The following RAPGEF2 variants were observed in gnomAD, a reference collection of about 807,000 sequenced individuals.
The protein encoded by RAPGEF2 is Rap guanine nucleotide exchange factor 2.
Under a neutral mutation model 186.7 loss-of-function variants are expected in RAPGEF2, and 54 were observed. That is an observed-to-expected ratio of 0.29 (90% CI 0.23 to 0.36). RAPGEF2 has a LOEUF of 0.36. RAPGEF2 is among the 10% of genes least tolerant of loss of function. The pLI is 1.00. For synonymous variants in RAPGEF2, 712 were observed against 705.9 expected, an observed-to-expected ratio of 1.01 and a Z score of -0.14; for missense variants, 1,532 against 2,045.0, an observed-to-expected ratio of 0.75 and a Z score of 4.84.
At chr4:159,358,001 A>G (rs1580091429) in intron 29 of RAPGEF2, 113 bp from the exon 30 acceptor site, 1 of 1,103,132 alleles carries the variant, frequency 9.1e-7, no homozygotes, top group East Asian at 2.6e-5. Flanking sequence ...GAGCTATACT[A>G]AAAAGAATAA....
intron 1 of RAPGEF2, among the ~76,000 whole-genome samples, chr4:159,119,172 G>A (rs60303636): frequency 0.019 from 2,894 of 152,242 alleles, 100 homozygotes; most frequent in African/African-American, 0.065. Flanking sequence ...TCTAAAGGTA[G>A]ACAGTGCAGG....
chr4:159,137,720 A>C (rs1741872044), intron 1 of RAPGEF2, among the ~76,000 whole-genome samples: 1 of 151,736 alleles, frequency 6.6e-6, no homozygotes, highest in Non-Finnish European at 1.5e-5. Flanking sequence ...AAAAAAAAAA[A>C]AAAAAACCTG....
chr4:159,125,566 G>T (rs992952778), intron 1 of RAPGEF2, among the ~76,000 whole-genome samples: 1 of 152,012 alleles, frequency 6.6e-6, no homozygotes, highest in African/African-American at 2.4e-5. Context: ...AGACCATCCT[G>T]GCTAACACGG....
intron 4 of RAPGEF2, among the ~76,000 whole-genome samples, chr4:159,226,253 A>G (rs1006912130): frequency 6.6e-6 from 1 of 152,172 alleles, no homozygotes; most frequent in African/African-American, 2.4e-5. Flanking sequence ...CAATCCATCA[A>G]ATTGCCTTGG....
intron 7 of RAPGEF2, among the ~76,000 whole-genome samples, chr4:159,277,994 G>A (rs1286711857): frequency 6.6e-6 from 1 of 152,140 alleles, no homozygotes; most frequent in Non-Finnish European, 1.5e-5. Flanking sequence ...ATTGCTTTTG[G>A]TGTTTTAGTC....
intron 7 of RAPGEF2, chr4:159,268,011 G>C: frequency 6.9e-7 from 1 of 1,442,694 alleles, no homozygotes; most frequent in Non-Finnish European, 9.1e-7. Flanking sequence ...CTTACCAGTA[G>C]TGACACTTTA....
intron 7 of RAPGEF2, among the ~76,000 whole-genome samples, chr4:159,278,968 G>A (rs564468607): frequency 2.0e-5 from 3 of 152,152 alleles, no homozygotes; most frequent in Non-Finnish European, 4.4e-5. Flanking sequence ...TACACTTGAT[G>A]TTTCCCTTTC....
Position 159,323,569 on chromosome 4 carries a change from C to T in RAPGEF2, c.1101C>T (p.Asp367=). The part of the protein sequence containing the change: ...GNSFGVSPTM[D]KEYMKGVMRT... ...GTTTTGGTGTCTCTCCTACCATGGA[C>T]AAAGAATACATGAAAGGAGTGATGA... The change falls in exon 11 of 30, where the codon GAC becomes GAT. Residue 367 remains aspartate (D), a synonymous_variant. Coordinates refer to ENST00000691494, the MANE Select transcript of RAPGEF2 (RefSeq NM_001394067.2). The T allele has an allele frequency of 6.2e-7, 1 of 1,611,014 alleles. No individual in the cohort carries two copies. The highest frequency in any genetic ancestry group is 8.5e-7 in the Non-Finnish European group (1 of 1,178,326).
At chr4:159,281,181 G>T (rs375824496) in intron 7 of RAPGEF2, among the ~76,000 whole-genome samples, 2 of 151,682 alleles carry the variant, frequency 1.3e-5, no homozygotes, top group African/African-American at 4.8e-5. Flanking sequence ...TAGTAGAGAT[G>T]GGGTTTCACC....
chr4:159,347,590 C>T (rs969357403), intron 25 of RAPGEF2, among the ~76,000 whole-genome samples: 16 of 152,048 alleles, frequency 1.1e-4, no homozygotes, highest in African/African-American at 3.6e-4. Context: ...CCAGACCATC[C>T]TGGCTAACAC....
At chr4:159,345,382 T>C (rs1295205270) in intron 24 of RAPGEF2, 53 bp downstream of exon 24, 2 of 1,544,080 alleles carry the variant, frequency 1.3e-6, no homozygotes, top group Non-Finnish European at 1.8e-6. Flanking sequence ...CAGATTTGTT[T>C]CCTGTGCAGT....
intron 7 of RAPGEF2, among the ~76,000 whole-genome samples, chr4:159,293,937 A>G (rs894166982): frequency 6.6e-6 from 1 of 152,188 alleles, no homozygotes; most frequent in Non-Finnish European, 1.5e-5. Flanking sequence ...ACTCACTTCT[A>G]ACTGTTCATA....
Position 159,150,254 on chromosome 4 carries a change from C to T in RAPGEF2, c.70-36388C>T, listed in dbSNP as rs112268950. Among the ~76,000 whole-genome samples the T allele has an allele frequency of 4.6e-5, 7 of 152,166 alleles. No homozygotes were observed. The East Asian group carries it at 5.8e-4, about 13-fold the overall frequency. ...AATGAACCATTGCTTCTAGGAAATA[C>T]GGGGTTAAGTTCCTGCAAACTTCTG... On this transcript the variant is annotated intron_variant, in intron 1 of 29. Transcript: ENST00000691494.
In RAPGEF2 at chr4:159,241,338, C is replaced by A. The variant is rs1316415517; in HGVS notation, c.495C>A (p.Gly165=). 1 of 1,520,566 alleles carries A rather than the reference C, an allele frequency of 6.6e-7. No homozygotes were observed. The highest frequency in any genetic ancestry group is 2.0e-5 in the Admixed American group (1 of 50,428). 94.2% of individuals were successfully genotyped at this position (1,520,566 alleles called of 1,614,324 possible). Residue 165 remains glycine, a synonymous_variant, in exon 6 of 30, where the codon GGC becomes GGA. Transcript: ENST00000691494. ...IIDTVDPYPM[G]KPPLPRGYHT... is the part of the protein sequence containing the mutation. ...ACACTGTGGATCCTTATCCCATGGG[C>A]AAACCTCCTTTGCCTAGAGGCTATC...
At chr4:159,287,049 CA>C (rs1291418311) in intron 7 of RAPGEF2, among the ~76,000 whole-genome samples, 2 of 151,608 alleles carry the variant, frequency 1.3e-5, no homozygotes, top group Non-Finnish European at 2.9e-5. Flanking sequence ...ATAAGAAGTA[CA>C]AAAATGCAGG....
Position 159,332,606 on chromosome 4 carries a change from A to C in RAPGEF2, c.2044A>C (p.Lys682Gln). 1 of 1,614,192 alleles carries C rather than the reference A, an allele frequency of 6.2e-7. No individual in the cohort carries two copies. Among genetic ancestry groups the C allele is most frequent in the Non-Finnish European group, 8.5e-7 (1 of 1,180,026 alleles). Reference protein sequence around the residue: ...QVIGLEKVNKKSKANTVGGRN... With the variant: ...QVIGLEKVNKQSKANTVGGRN... Reference sequence around the variant, plus strand: ...GATAGGACTTGAAAAAGTGAACAAAAAAAGTAAAGCCAACACTGTGGGAGG... The same window carrying C: ...GATAGGACTTGAAAAAGTGAACAAACAAAGTAAAGCCAACACTGTGGGAGG... Residue 682 changes from lysine to glutamine, a missense_variant, in exon 17 of 30, where the codon AAA becomes CAA. Around this residue, in one of 4 missense-constraint regions of RAPGEF2, gnomAD observed 810 missense variants for 1,210.5 expected, o/e 0.67. Coordinates refer to ENST00000691494, the MANE Select transcript of RAPGEF2 (RefSeq NM_001394067.2).
chr4:159,267,025 G>A, intron 7 of RAPGEF2: 1 of 397,952 alleles, frequency 2.5e-6, no homozygotes, highest in Non-Finnish European at 4.3e-6. Context: ...TTAAGTAGAG[G>A]AGGGGGCGAG....
chr4:159,250,205 T>TA (rs1475740020), intron 7 of RAPGEF2, among the ~76,000 whole-genome samples: 1 of 152,020 alleles, frequency 6.6e-6, no homozygotes, highest in African/African-American at 2.4e-5. Context: ...GAAGACAACA[T>TA]ATATGGTGCA....
At chr4:159,167,373 G>T (rs944249850) in intron 1 of RAPGEF2, among the ~76,000 whole-genome samples, 2 of 152,276 alleles carry the variant, frequency 1.3e-5, no homozygotes, top group East Asian at 1.9e-4. Flanking sequence ...AAAAGTCAGA[G>T]TCCAGGAGTC....
Sources: gnomAD v4.1 joint callset for allele counts (sites outside exome capture counted in the v4.1 genomes callset) on GRCh38, gnomAD v4.1.1 for gene constraint, gnomAD v4.1.1 regional missense constraint, MANE v1.5 for transcripts, NCBI Gene and HGNC (gene_info 2026-07-23, HGNC 2026-07-21) for gene names.